The following CCDC102B variants were observed in gnomAD, a reference collection of about 807,000 sequenced individuals.
The protein encoded by CCDC102B is coiled-coil domain containing 102B.
CCDC102B carries 75 observed loss-of-function variants against 57.4 expected under a neutral mutation model. That is an observed-to-expected ratio of 1.31 (90% CI 1.08 to 1.58). CCDC102B has a LOEUF of 1.58. Ranked by LOEUF, CCDC102B falls within the 40% of genes most tolerant of loss-of-function variation. The pLI is 0.00. For missense variants in CCDC102B, 636 were observed against 582.6 expected, an observed-to-expected ratio of 1.09 and a Z score of -0.94; for synonymous variants, 206 against 201.9, an observed-to-expected ratio of 1.02 and a Z score of -0.17.
chr18:68,736,069 A>C (rs1257950079), intron 2 of CCDC102B, among the ~76,000 whole-genome samples: 1 of 152,242 alleles, frequency 6.6e-6, no homozygotes, highest in Non-Finnish European at 1.5e-5. Flanking sequence ...CATATCCTTT[A>C]TACAAAAACA....
At chr18:68,809,207 C>T (rs968617665) in intron 1 of CCDC102B, among the ~76,000 whole-genome samples, 10 of 152,106 alleles carry the variant, frequency 6.6e-5, no homozygotes, top group African/African-American at 2.4e-4. Flanking sequence ...AACATGTTAC[C>T]ATGGGTGGGT....
chr18:68,786,813 C>T (rs1201446021), intron 2 of CCDC102B, among the ~76,000 whole-genome samples: 1 of 151,716 alleles, frequency 6.6e-6, no homozygotes, highest in East Asian at 1.9e-4. Context: ...ATTGAATACC[C>T]TTTATTTCCT....
At chr18:68,881,155 C>A (rs1391019565) in intron 5 of CCDC102B, among the ~76,000 whole-genome samples, 1 of 152,010 alleles carries the variant, frequency 6.6e-6, no homozygotes, top group African/African-American at 2.4e-5. Flanking sequence ...TGGAGGTGAG[C>A]AGGGATGAAA....
chr18:68,984,207 A>G (rs1378232983), intron 6 of CCDC102B, among the ~76,000 whole-genome samples: 3 of 151,904 alleles, frequency 2.0e-5, no homozygotes, highest in Non-Finnish European at 4.4e-5. Flanking sequence ...TATCCTCTCT[A>G]TGAGCTACCA....
intron 6 of CCDC102B, among the ~76,000 whole-genome samples, chr18:68,960,555 T>C (rs2050020513): frequency 6.6e-6 from 1 of 152,156 alleles, no homozygotes; most frequent in Non-Finnish European, 1.5e-5. Context: ...GTACACTGGC[T>C]CAGAGCCCAG....
At chr18:68,715,238 G>T (rs984385199) in exon 1 of CCDC102B, 1 of 1,345,912 alleles carries the variant, frequency 7.4e-7, no homozygotes, top group Non-Finnish European at 9.5e-7. Flanking sequence ...CGCTCTCGGT[G>T]CCCCCCTCCA....
chr18:68,950,405 AT>A, intron 6 of CCDC102B, among the ~76,000 whole-genome samples: 1 of 152,196 alleles, frequency 6.6e-6, no homozygotes, highest in East Asian at 1.9e-4. Context: ...TACCCAGGAG[AT>A]TTTATCTTAG....
chr18:69,024,793 AATGTCTAAGT>A (rs763572762), intron 7 of CCDC102B, among the ~76,000 whole-genome samples: 6 of 152,038 alleles, frequency 3.9e-5, no homozygotes, highest in Non-Finnish European at 8.8e-5. Context: ...CTACAGTAGA[AATGTCTAAGT>A]ATTTGTTTTT....
chr18:68,960,992 C>T (rs1048236176), intron 6 of CCDC102B, among the ~76,000 whole-genome samples: 2 of 152,104 alleles, frequency 1.3e-5, no homozygotes, highest in Non-Finnish European at 2.9e-5. Flanking sequence ...GCTACAGTTT[C>T]CTTTAGTAAA....
chr18:68,834,667 A>G (rs2037290211), intron 1 of CCDC102B, among the ~76,000 whole-genome samples: 1 of 151,682 alleles, frequency 6.6e-6, no homozygotes, highest in Non-Finnish European at 1.5e-5. Flanking sequence ...AAGTGTTACA[A>G]TGAAGAGTGA....
intron 6 of CCDC102B, among the ~76,000 whole-genome samples, chr18:68,919,774 T>C (rs1401136381): frequency 6.6e-6 from 1 of 152,156 alleles, no homozygotes; most frequent in African/African-American, 2.4e-5. Context: ...TATTGAGATA[T>C]TGTAGTTTAT....
At chr18:68,951,016 C>A (rs1599739637) in intron 6 of CCDC102B, among the ~76,000 whole-genome samples, 2 of 152,074 alleles carry the variant, frequency 1.3e-5, no homozygotes, top group African/African-American at 2.4e-5. Flanking sequence ...ACAGAGTTAA[C>A]AATCTCAAGG....
intron 2 of CCDC102B, among the ~76,000 whole-genome samples, chr18:68,765,296 GGAA>G (rs1332888303): frequency 2.5e-5 from 2 of 80,852 alleles, no homozygotes; most frequent in Non-Finnish European, 4.8e-5. Context: ...AAGAAAGAAA[GGAA>G]GGAAGGAAGG....
At chr18:68,970,789 G>A (rs1194167959) in intron 6 of CCDC102B, among the ~76,000 whole-genome samples, 4 of 151,968 alleles carry the variant, frequency 2.6e-5, no homozygotes, top group Non-Finnish European at 5.9e-5. Context: ...GAAGTTAAAT[G>A]TAGTACATGT....
intron 6 of CCDC102B, among the ~76,000 whole-genome samples, chr18:68,929,811 T>C (rs185020593): frequency 6.6e-6 from 1 of 150,746 alleles, no homozygotes; most frequent in Admixed American, 6.6e-5. Flanking sequence ...ATTACATACT[T>C]TAAGTATATG....
At chr18:69,030,662 G>A (rs562590441) in intron 7 of CCDC102B, among the ~76,000 whole-genome samples, 166 of 151,982 alleles carry the variant, frequency 1.1e-3, no homozygotes, top group African/African-American at 3.8e-3. Flanking sequence ...GTATGTTTTT[G>A]TTTTGGTTTT....
At chr18:68,971,686 G>A (rs79578616) in intron 6 of CCDC102B, among the ~76,000 whole-genome samples, 3,800 of 152,150 alleles carry the variant, frequency 0.025, 120 homozygotes, top group East Asian at 0.15. Flanking sequence ...AAGAACAAAC[G>A]ATGTGCTTCT....
intron 7 of CCDC102B, among the ~76,000 whole-genome samples, chr18:69,046,851 G>C (rs765341907): frequency 2.6e-5 from 4 of 152,086 alleles, no homozygotes; most frequent in Non-Finnish European, 5.9e-5. Flanking sequence ...ATTCAATAGA[G>C]AGTCCTTTTC....
At chr18:68,966,263 C>T (rs1041615029) in intron 6 of CCDC102B, among the ~76,000 whole-genome samples, 1 of 152,090 alleles carries the variant, frequency 6.6e-6, no homozygotes, top group African/African-American at 2.4e-5. Flanking sequence ...GTTCCAGTGA[C>T]TGGGTCATAT....
Sources: gnomAD v4.1 joint callset for allele counts (sites outside exome capture counted in the v4.1 genomes callset) on GRCh38, gnomAD v4.1.1 for gene constraint, MANE v1.5 for transcripts, NCBI Gene and HGNC (gene_info 2026-07-23, HGNC 2026-07-21) for gene names.